Variants in EIF4G3 observed in about 807,000 individuals in gnomAD.
EIF4G3 encodes eukaryotic translation initiation factor 4 gamma 3.
Under a neutral mutation model 186.4 loss-of-function variants are expected in EIF4G3, and 34 were observed. The observed-to-expected ratio is 0.18, with a 90% confidence interval of 0.14 to 0.24. EIF4G3 has a LOEUF of 0.24. EIF4G3 is among the 10% of genes least tolerant of loss of function. The pLI is 1.00. For missense variants in EIF4G3, 1,536 were observed against 1,948.5 expected (o/e 0.79, Z 3.99); for synonymous variants, 673 against 679.5 (o/e 0.99, Z 0.15).
intron 19 of EIF4G3, 61 bp from the exon 20 acceptor site, chr1:20,879,581 G>A: frequency 1.9e-6 from 2 of 1,032,646 alleles, no homozygotes; most frequent in Middle Eastern, 3.5e-4. Context: ...GGTGCTTTCT[G>A]TAATGATTAA....
chr1:21,053,712 A>G (rs1188259737), intron 3 of EIF4G3, among the ~76,000 whole-genome samples: 16 of 126,424 alleles, frequency 1.3e-4, no homozygotes, highest in Admixed American at 3.2e-4. Flanking sequence ...CCCGTCCGGG[A>G]AGGATGTTGG....
In EIF4G3 at chr1:21,166,970, C is replaced by T. The variant is rs548602602; in HGVS notation, c.-272+9205G>A. ...CTAATTTTTGTATTTTCTGTAAAGA[C>T]GGGGTTTTGTCATGTCATCCAGGAT... On this transcript the variant is annotated intron_variant, in intron 2 of 36. Transcript: ENST00000602326. Among the ~76,000 whole-genome samples, 152 of 151,982 alleles carry T rather than the reference C, an allele frequency of 1.0e-3. 2 individuals are homozygous for T. Among genetic ancestry groups the T allele is most frequent in the African/African-American group, 2.9e-3 (122 of 41,478 alleles).
chr1:20,851,654 T>C (rs1357503413), intron 27 of EIF4G3, among the ~76,000 whole-genome samples, 176 bp from the exon 28 acceptor site: 1 of 151,626 alleles, frequency 6.6e-6, no homozygotes, highest in East Asian at 1.9e-4. Flanking sequence ...AGTAAAAGAG[T>C]GCTTTAAAGG....
At chr1:20,908,788 T>C (rs1248862909) in intron 14 of EIF4G3, among the ~76,000 whole-genome samples, 3 of 152,168 alleles carry the variant, frequency 2.0e-5, no homozygotes, top group Non-Finnish European at 4.4e-5. Flanking sequence ...AAAAGTTTCA[T>C]AAACTTACCG....
intron 12 of EIF4G3, among the ~76,000 whole-genome samples, chr1:20,960,987 C>A (rs992908910): frequency 6.6e-6 from 1 of 152,182 alleles, no homozygotes; most frequent in African/African-American, 2.4e-5. Flanking sequence ...TCGAAAACTT[C>A]TTAACTTCAC....
At chr1:20,870,880 T>C (rs921817667) in intron 20 of EIF4G3, among the ~76,000 whole-genome samples, 2 of 152,210 alleles carry the variant, frequency 1.3e-5, no homozygotes, top group African/African-American at 4.8e-5. Flanking sequence ...GAGTTGACCA[T>C]GTCTTATGAT....
At chr1:20,879,734 G>T (rs1193893072) in intron 19 of EIF4G3, among the ~76,000 whole-genome samples, 1 of 151,998 alleles carries the variant, frequency 6.6e-6, no homozygotes, top group South Asian at 2.1e-4. Context: ...CTAGAAATAG[G>T]TATATACACA....
chr1:20,913,089 C>T (rs1289579076), intron 14 of EIF4G3, among the ~76,000 whole-genome samples: 2 of 152,146 alleles, frequency 1.3e-5, no homozygotes, highest in Non-Finnish European at 2.9e-5. Flanking sequence ...TCCGCATCTT[C>T]TCAGAGGTCG....
intron 10 of EIF4G3, among the ~76,000 whole-genome samples, chr1:20,976,997 T>C (rs759141140): frequency 4.6e-5 from 7 of 151,810 alleles, no homozygotes; most frequent in Non-Finnish European, 8.8e-5. Flanking sequence ...GAATATAGTA[T>C]GAAAGGAAAA....
At chr1:20,972,455 G>A (rs748491996) in intron 11 of EIF4G3, among the ~76,000 whole-genome samples, 52 of 151,998 alleles carry the variant, frequency 3.4e-4, no homozygotes, top group Non-Finnish European at 6.0e-4. Context: ...GCAACATGGC[G>A]AAATCCCACC....
At chr1:21,089,560 G>A (rs890543830) in intron 2 of EIF4G3, among the ~76,000 whole-genome samples, 2 of 152,046 alleles carry the variant, frequency 1.3e-5, no homozygotes, top group Non-Finnish European at 2.9e-5. Context: ...CAACACTTTT[G>A]GAGGTCAAAC....
At chr1:21,053,872 G>A (rs1457171000) in intron 3 of EIF4G3, among the ~76,000 whole-genome samples, 1 of 147,594 alleles carries the variant, frequency 6.8e-6, no homozygotes, top group Admixed American at 6.7e-5. Flanking sequence ...CGCCCGGCCA[G>A]CCGCCCCGTC....
At chr1:21,172,118 CAAAAAAA>C (rs35477282) in intron 2 of EIF4G3, among the ~76,000 whole-genome samples, 4 of 105,558 alleles carry the variant, frequency 3.8e-5, no homozygotes, top group Non-Finnish European at 7.9e-5. Flanking sequence ...CCTCCTCTAG[CAAAAAAA>C]AAAAAAAAAA....
intron 2 of EIF4G3, among the ~76,000 whole-genome samples, chr1:21,138,548 G>C (rs2097286553): frequency 6.6e-6 from 1 of 152,174 alleles, no homozygotes; most frequent in Non-Finnish European, 1.5e-5. Context: ...GTGGGGCACA[G>C]TGGCTCACAC....
At chr1:21,062,166 C>A (rs143567019) in intron 3 of EIF4G3, among the ~76,000 whole-genome samples, 107 of 152,102 alleles carry the variant, frequency 7.0e-4, no homozygotes, top group African/African-American at 2.3e-3. Context: ...TCAAGCAATC[C>A]TCTCGTTTCA....
Position 20,981,101 on chromosome 1 carries a change from G to A in EIF4G3, c.325C>T (p.His109Tyr). 1.2e-6 allele frequency: 2 copies of A among 1,613,582 alleles called. No individual in the cohort carries two copies. Among genetic ancestry groups the A allele is most frequent in the Non-Finnish European group, 1.7e-6 (2 of 1,179,714 alleles). Residue 109 changes from histidine (H) to tyrosine (Y), a missense_variant, in exon 9 of 37, where the codon CAT becomes TAT. Coordinates refer to ENST00000602326, the MANE Select transcript of EIF4G3 (RefSeq NM_001391906.1). ...GGCACTGGGTACGGCATGGGCAGAT[G>A]GTTAACCATCATGATGTGCTGATTA... Reference protein sequence around the residue: ...QANQHIMMVNHLPMPYPVPQG... With the variant: ...QANQHIMMVNYLPMPYPVPQG...
chr1:21,111,473 C>G (rs1257633972), intron 2 of EIF4G3: 1 of 428,864 alleles, frequency 2.3e-6, no homozygotes, highest in South Asian at 1.7e-5. Flanking sequence ...CCATAAAGAT[C>G]ATGAGTTTTC....
chr1:20,833,664 T>A (rs2065933028), intron 30 of EIF4G3, among the ~76,000 whole-genome samples: 5 of 152,188 alleles, frequency 3.3e-5, no homozygotes, highest in Admixed American at 3.3e-4. Context: ...AATCAATAAA[T>A]GTAATCCAGC....
At chr1:21,053,753 A>G (rs12736820) in intron 3 of EIF4G3, among the ~76,000 whole-genome samples, 17 of 133,486 alleles carry the variant, frequency 1.3e-4, no homozygotes, top group African/African-American at 4.3e-4. Context: ...CAGCCGCCCC[A>G]TCCGGGAGGT....
Sources: allele counts gnomAD v4.1 joint callset (sites outside exome capture counted in the v4.1 genomes callset), GRCh38; gene constraint gnomAD v4.1.1; transcripts MANE v1.5; gene names NCBI Gene and HGNC (gene_info 2026-07-23, HGNC 2026-07-21).